Variants in TAFA2 observed in about 807,000 individuals in gnomAD.
TAFA2 encodes TAFA chemokine like family member 2, also known as chemokine-like protein TAFA-2.
A neutral mutation model predicts 18.8 loss-of-function variants in TAFA2; 7 were observed. That is an observed-to-expected ratio of 0.37 (90% CI 0.21 to 0.70). The LOEUF (loss-of-function observed/expected upper bound fraction) is 0.70. Among genes scored for constraint, TAFA2 ranks in the 30% least tolerant of loss-of-function variants. The pLI, the probability that TAFA2 is intolerant of heterozygous loss-of-function variation, is 0.53. For missense variants in TAFA2, 122 were observed against 158.1 expected, an observed-to-expected ratio of 0.77 and a Z score of 1.23; for synonymous variants, 60 against 54.2, an observed-to-expected ratio of 1.11 and a Z score of -0.47.
chr12:62,040,364 T>C (rs1881725666), intron 1 of TAFA2, among the ~76,000 whole-genome samples: 1 of 152,072 alleles, frequency 6.6e-6, no homozygotes, highest in Non-Finnish European at 1.5e-5. Flanking sequence ...TACCTCAGAA[T>C]CTGACCTTAT....
intron 1 of TAFA2, among the ~76,000 whole-genome samples, chr12:62,077,507 C>A (rs1868258323): frequency 6.6e-6 from 1 of 152,222 alleles, no homozygotes; most frequent in Non-Finnish European, 1.5e-5. Context: ...CGAGGATCAG[C>A]ATCAAGTGTG....
At chr12:62,045,949 T>A (rs1383136371) in intron 1 of TAFA2, among the ~76,000 whole-genome samples, 3 of 152,116 alleles carry the variant, frequency 2.0e-5, no homozygotes, top group Admixed American at 1.3e-4. Flanking sequence ...ATCTGAGAGC[T>A]AACGGAGAAC....
intron 2 of TAFA2, among the ~76,000 whole-genome samples, chr12:61,848,574 C>T (rs182814153): frequency 4.6e-5 from 7 of 151,068 alleles, no homozygotes; most frequent in African/African-American, 1.7e-4. Flanking sequence ...TGAACTATTC[C>T]CCATCCCAAG....
chr12:61,824,518 T>A (rs1037537879), intron 2 of TAFA2, among the ~76,000 whole-genome samples: 6 of 152,142 alleles, frequency 3.9e-5, no homozygotes, highest in African/African-American at 1.4e-4. Flanking sequence ...CCCATTTTTA[T>A]CTCCTTTAGC....
chr12:62,109,144 G>C (rs970656984), intron 1 of TAFA2, among the ~76,000 whole-genome samples: 2 of 152,094 alleles, frequency 1.3e-5, no homozygotes, highest in Non-Finnish European at 2.9e-5. Flanking sequence ...TTCATCTTGA[G>C]TTAATTTTTG....
At chr12:61,994,877 C>T (rs1023948432) in intron 1 of TAFA2, among the ~76,000 whole-genome samples, 2 of 152,152 alleles carry the variant, frequency 1.3e-5, no homozygotes, top group Non-Finnish European at 2.9e-5. Flanking sequence ...GCCAGCTCTT[C>T]TCTCTAAACT....
Position 61,928,169 on chromosome 12 carries a change from T to C in TAFA2, c.-1-60743A>G, listed in dbSNP as rs189395660. The stretch of plus-strand genomic sequence containing the variant: ...GCCAAAATTGACGAATGGGATCTAA[T>C]TAAACTAAAGAGCTTCTGCACAGCA... On this transcript the variant is annotated intron_variant, in intron 1 of 4. Transcript: ENST00000416284. 9.1e-4 allele frequency among the ~76,000 whole-genome samples: 139 copies of C among 152,286 alleles called. 1 individual carries two copies. The highest frequency in any genetic ancestry group is 5.9e-5 in the Non-Finnish European group (4 of 68,026).
chr12:62,096,479 G>A (rs1868955194), intron 1 of TAFA2, among the ~76,000 whole-genome samples: 1 of 152,064 alleles, frequency 6.6e-6, no homozygotes, highest in African/African-American at 2.4e-5. Context: ...TTAAAAAGCA[G>A]AGGAATAAAT....
intron 2 of TAFA2, among the ~76,000 whole-genome samples, chr12:61,758,680 C>T (rs1277426182): frequency 1.3e-5 from 2 of 151,792 alleles, no homozygotes; most frequent in Non-Finnish European, 2.9e-5. Flanking sequence ...GGTAGGAATA[C>T]CAGGCAGGGA....
chr12:61,973,659 T>C (rs1232423710), intron 1 of TAFA2, among the ~76,000 whole-genome samples: 1 of 151,644 alleles, frequency 6.6e-6, no homozygotes, highest in African/African-American at 2.4e-5. Context: ...CCAATGTCCA[T>C]ACAAGTTGGA....
chr12:61,851,774 C>CAAAAAAAAAAAAAAAAAA (rs55651727), intron 2 of TAFA2, among the ~76,000 whole-genome samples: 1 of 14,502 alleles, frequency 6.9e-5, no homozygotes, highest in African/African-American at 1.5e-4. Context: ...GACTCCATCT[C>CAAAAAAAAAAAAAAAAAA]AAAAAAAAAA....
intron 1 of TAFA2, among the ~76,000 whole-genome samples, chr12:62,082,867 C>T (rs550754945): frequency 6.6e-6 from 1 of 152,234 alleles, no homozygotes; most frequent in East Asian, 1.9e-4. Flanking sequence ...AAAAAGGAAA[C>T]TTAACACTTA....
At chr12:61,875,930 C>A (rs1329825010) in intron 1 of TAFA2, among the ~76,000 whole-genome samples, 1 of 151,900 alleles carries the variant, frequency 6.6e-6, no homozygotes, top group Non-Finnish European at 1.5e-5. Context: ...AGGTGGAGGA[C>A]CATTATATAG....
intron 1 of TAFA2, among the ~76,000 whole-genome samples, chr12:62,072,261 G>T (rs531566347): frequency 6.6e-6 from 1 of 151,424 alleles, no homozygotes; most frequent in Admixed American, 6.6e-5. Context: ...TCAGGAGATC[G>T]AGACCACCCT....
intron 1 of TAFA2, among the ~76,000 whole-genome samples, chr12:62,170,904 T>C (rs1343488032): frequency 6.6e-6 from 1 of 152,224 alleles, no homozygotes; most frequent in Non-Finnish European, 1.5e-5. Flanking sequence ...GTTATGTCTC[T>C]AACCAAGAAC....
intron 1 of TAFA2, among the ~76,000 whole-genome samples, chr12:61,923,743 C>T (rs775803849): frequency 1.3e-4 from 19 of 151,954 alleles, no homozygotes; most frequent in South Asian, 1.0e-3. Context: ...ATGAGTTTGA[C>T]GAACTGACAG....
chr12:61,945,988 C>T (rs1246214032), intron 1 of TAFA2, among the ~76,000 whole-genome samples: 4 of 122,400 alleles, frequency 3.3e-5, no homozygotes, highest in East Asian at 2.5e-4. Context: ...AAAAAGAGCC[C>T]GCATCGCCAA....
rs60216857 is a variant in TAFA2, at chr12:61,775,990, G to T, written c.107-20966C>A. 3,008 of 307,384 alleles carry T rather than the reference G, an allele frequency of 9.8e-3. 82 individuals carry two copies. Among genetic ancestry groups the T allele is most frequent in the African/African-American group, 0.059 (2,661 of 45,120 alleles). 19.0% of individuals were successfully genotyped at this position (307,384 alleles called of 1,614,324 possible). On this transcript the variant is annotated intron_variant, in intron 2 of 4. Transcript: ENST00000416284. ...TTTCCTAGCCCTTTTAGAAAACATG[G>T]AGTTGTTCCTTTGACCACACACATG...
At chr12:62,081,117 C>A (rs1868316583) in intron 1 of TAFA2, among the ~76,000 whole-genome samples, 1 of 152,106 alleles carries the variant, frequency 6.6e-6, no homozygotes, top group South Asian at 2.1e-4. Flanking sequence ...ACAGCGTGAA[C>A]CCGGGAGGTG....
Sources: gnomAD v4.1 joint callset for allele counts (sites outside exome capture counted in the v4.1 genomes callset) on GRCh38, gnomAD v4.1.1 for gene constraint, MANE v1.5 for transcripts, NCBI Gene and HGNC (gene_info 2026-07-23, HGNC 2026-07-21) for gene names.